The following LIN9 variants were observed in gnomAD, a reference collection of about 807,000 sequenced individuals.
LIN9 encodes the protein lin-9 DREAM MuvB core complex component, also known as protein lin-9 homolog.
A neutral mutation model predicts 78.0 loss-of-function variants in LIN9; 18 were observed. The ratio of observed to expected loss-of-function variants is 0.23; its 90% CI spans 0.16 to 0.34. The LOEUF (loss-of-function observed/expected upper bound fraction) is 0.34, where lower values mean the gene tolerates loss of function less well. LIN9 is among the 10% of genes least tolerant of loss of function. The pLI, the probability that LIN9 is intolerant of heterozygous loss-of-function variation, is 1.00. For missense variants in LIN9, 451 were observed against 644.1 expected (o/e 0.70, Z 3.25); for synonymous variants, 192 against 215.2 (o/e 0.89, Z 0.94).
rs544234978 is a variant in LIN9 at position 226,268,059 on chromosome 1, G to A, written c.714C>T (p.Phe238=). ...ARLRGVHDGL[F]TGQIDAVDTL... is the part of the protein sequence containing the mutation. ...TATCCACAGCATCTATTTGTCCAGT[G>A]AACAAACCATCATGAACACCACGTA... Residue 238 remains phenylalanine, a synonymous_variant, in exon 8 of 15, where the codon TTC becomes TTT. Coordinates refer to ENST00000681046, the MANE Select transcript of LIN9 (RefSeq NM_001366245.2). The A allele has an allele frequency of 6.2e-7, 1 of 1,614,022 alleles. No individual in the cohort carries two copies. Among genetic ancestry groups the A allele is most frequent in the South Asian group, 1.1e-5 (1 of 91,062 alleles).
intron 7 of LIN9, 72 bp from the exon 8 acceptor site, chr1:226,268,162 C>A: frequency 7.0e-7 from 1 of 1,435,570 alleles, no homozygotes; most frequent in South Asian, 1.4e-5. Context: ...CTGTTCCAAG[C>A]ATGTAATTTA....
rs567224164 is a variant in LIN9 at position 226,265,825 on chromosome 1, C to T, written c.937-191G>A. On this transcript the variant is annotated intron_variant, in intron 9 of 14. Coordinates refer to ENST00000681046, the MANE Select transcript of LIN9 (RefSeq NM_001366245.2). This position sits in a 1 kb window ranked among gnomAD's most constrained non-coding sequence, Gnocchi z 4.1. ...TCCCGAGCAGCTGGGATTACAGGCG[C>T]GCGCCACCACGCCCAGCTAATTTTT... 5.3e-5 allele frequency among the ~76,000 whole-genome samples: 8 copies of T among 151,542 alleles called. No individual in the cohort carries two copies. In the South Asian group the frequency reaches 1.5e-3, roughly 28 times the overall value.
At chr1:226,269,728 C>T (rs1229642233) in intron 7 of LIN9, among the ~76,000 whole-genome samples, 1 of 152,078 alleles carries the variant, frequency 6.6e-6, no homozygotes, top group African/African-American at 2.4e-5. Context: ...CTCTACCATC[C>T]CTGGCTAACT....
intron 11 of LIN9, among the ~76,000 whole-genome samples, chr1:226,241,815 G>A (rs1334270669): frequency 1.3e-5 from 2 of 151,348 alleles, no homozygotes; most frequent in Non-Finnish European, 2.9e-5. Flanking sequence ...CTGAGATCGC[G>A]CCACTGCACT....
intron 11 of LIN9, among the ~76,000 whole-genome samples, chr1:226,239,479 C>T (rs1418899869): frequency 6.6e-6 from 1 of 152,194 alleles, no homozygotes; most frequent in African/African-American, 2.4e-5. Flanking sequence ...TCAATTGACG[C>T]TGTACCTGGA....
At chr1:226,282,744 C>T (rs1227963807) in intron 6 of LIN9, among the ~76,000 whole-genome samples, 1 of 152,172 alleles carries the variant, frequency 6.6e-6, no homozygotes, top group Non-Finnish European at 1.5e-5. Context: ...TCACTTGAAC[C>T]TGGGAGGCAG....
chr1:226,296,100 A>G (rs547809749), intron 3 of LIN9, among the ~76,000 whole-genome samples, 154 bp from the exon 4 acceptor site: 25 of 152,358 alleles, frequency 1.6e-4, no homozygotes, highest in African/African-American at 5.8e-4. Context: ...AAAGCCAAAT[A>G]TAAATAATCT....
chr1:226,236,444 CTTTA>C lies in LIN9; in HGVS notation c.1245+2523_1245+2526del, dbSNP rs200915308. 1.3e-3 allele frequency among the ~76,000 whole-genome samples: 194 copies of C among 151,770 alleles called. No individual in the cohort carries two copies. In the East Asian group the frequency reaches 0.021, roughly 17 times the overall value. On this transcript the variant is annotated intron_variant, in intron 12 of 14. Transcript: ENST00000681046. Reference sequence around the variant, plus strand: ...ACATTATATATTCTCTTGTGTCTGACTTTATTTATTTATTTATTTATTTTTTCTT... The same window carrying C: ...ACATTATATATTCTCTTGTGTCTGACTTTATTTATTTATTTATTTTTTCTT...
intron 8 of LIN9, 59 bp downstream of exon 8, chr1:226,267,898 A>G: frequency 6.7e-7 from 1 of 1,494,452 alleles, no homozygotes; most frequent in Non-Finnish European, 9.0e-7. Flanking sequence ...TTCTAAAAAA[A>G]CTCTATATAA....
chr1:226,305,618 T>C (rs1356845241), intron 1 of LIN9, among the ~76,000 whole-genome samples: 1 of 115,512 alleles, frequency 8.7e-6, no homozygotes, highest in Non-Finnish European at 1.8e-5. Context: ...GTAAGGGGGG[T>C]GTGGGGGGGT....
chr1:226,306,082 T>C (rs1419125176), intron 1 of LIN9, among the ~76,000 whole-genome samples: 1 of 151,974 alleles, frequency 6.6e-6, no homozygotes, highest in Admixed American at 6.6e-5. Flanking sequence ...CCCAGCACTT[T>C]GGGAGGTTGA....
chr1:226,256,932 T>C (rs1659237254), intron 10 of LIN9, among the ~76,000 whole-genome samples: 1 of 151,820 alleles, frequency 6.6e-6, no homozygotes, highest in Admixed American at 6.6e-5. Context: ...CTGTCGCCAG[T>C]AGGACTGCCT....
chr1:226,280,994 T>C (rs753406166), intron 6 of LIN9, among the ~76,000 whole-genome samples: 1 of 152,178 alleles, frequency 6.6e-6, no homozygotes, highest in Non-Finnish European at 1.5e-5. Flanking sequence ...CTATTTACAA[T>C]AGCCAAGATA....
chr1:226,277,070 TGTG>T (rs1660711628), intron 7 of LIN9, among the ~76,000 whole-genome samples: 1 of 151,818 alleles, frequency 6.6e-6, no homozygotes, highest in African/African-American at 2.4e-5. Context: ...TACGGCCAGG[TGTG>T]GTGATTCATG....
chr1:226,287,477 C>T (rs566409650), intron 5 of LIN9, among the ~76,000 whole-genome samples, 187 bp downstream of exon 5: 1 of 152,052 alleles, frequency 6.6e-6, no homozygotes, highest in Admixed American at 6.6e-5. Context: ...TTTTCTTCCC[C>T]AAAAAGGATA....
chr1:226,276,534 GTCTCT>G (rs1431772281), intron 7 of LIN9, among the ~76,000 whole-genome samples: 1 of 152,108 alleles, frequency 6.6e-6, no homozygotes, highest in Non-Finnish European at 1.5e-5. Flanking sequence ...GCATGATTCA[GTCTCT>G]TCTCTATTTT....
intron 2 of LIN9, 76 bp from the exon 3 acceptor site, chr1:226,297,889 A>G (rs898703123): frequency 1.0e-5 from 6 of 599,064 alleles, no homozygotes; most frequent in Admixed American, 5.9e-5. Flanking sequence ...TGTTTTTTTC[A>G]TAACAGCCAT....
chr1:226,233,235 C>T, intron 13 of LIN9, 42 bp from the exon 14 acceptor site: 1 of 1,530,136 alleles, frequency 6.5e-7, no homozygotes, highest in South Asian at 1.2e-5. Context: ...CATTATAGCT[C>T]AAATATAGTC....
chr1:226,277,990 A>C, intron 6 of LIN9, 58 bp from the exon 7 acceptor site: 1 of 1,422,474 alleles, frequency 7.0e-7, no homozygotes, highest in South Asian at 1.3e-5. Context: ...AAAACTTAAA[A>C]TCTTTTTTTT....
Sources: allele counts gnomAD v4.1 joint callset (sites outside exome capture counted in the v4.1 genomes callset), GRCh38; gene constraint gnomAD v4.1.1; non-coding constraint Gnocchi (gnomAD v3.1); transcripts MANE v1.5; gene names NCBI Gene and HGNC (gene_info 2026-07-23, HGNC 2026-07-21).